WWOX: variants seen among roughly 807,000 people sequenced by gnomAD.
The protein encoded by WWOX is WW domain-containing oxidoreductase.
Under a neutral mutation model 46.2 loss-of-function variants are expected in WWOX, and 69 were observed. The ratio of observed to expected loss-of-function variants is 1.49; its 90% CI spans 1.23 to 1.82. The LOEUF is 1.82. Among genes scored for constraint, WWOX ranks in the 40% most tolerant of loss-of-function variants. WWOX has a pLI of 0.00. For missense variants in WWOX, 919 were observed against 542.6 expected (o/e 1.69, Z -6.89); for synonymous variants, 359 against 202.6 (o/e 1.77, Z -6.56).
intron 5 of WWOX, among the ~76,000 whole-genome samples, chr16:78,177,474 G>T (rs1767012745): frequency 6.6e-6 from 1 of 152,192 alleles, no homozygotes; most frequent in African/African-American, 2.4e-5. Context: ...AAGCAGGATG[G>T]TTGCAGGAGA....
intron 5 of WWOX, among the ~76,000 whole-genome samples, chr16:78,259,060 T>A (rs1453189503): frequency 6.6e-6 from 1 of 152,190 alleles, no homozygotes; most frequent in African/African-American, 2.4e-5. Context: ...ACCACGTTAA[T>A]AAAAGAAGCA....
chr16:78,655,900 C>T (rs1326994773), intron 8 of WWOX, among the ~76,000 whole-genome samples: 2 of 152,136 alleles, frequency 1.3e-5, no homozygotes, highest in African/African-American at 2.4e-5. Flanking sequence ...AGTACCCCAG[C>T]TCTGTATTCG....
chr16:78,491,798 T>C (rs1020808300), intron 8 of WWOX, among the ~76,000 whole-genome samples: 3 of 152,156 alleles, frequency 2.0e-5, no homozygotes, highest in Admixed American at 1.3e-4. Flanking sequence ...TATAAAGTCA[T>C]TTTAAATAAC....
At chr16:79,158,797 C>T (rs1300062275) in intron 8 of WWOX, among the ~76,000 whole-genome samples, 5 of 152,216 alleles carry the variant, frequency 3.3e-5, no homozygotes, top group African/African-American at 9.6e-5. Flanking sequence ...GTGCTTCTCA[C>T]TCTCGTTTAT....
intron 8 of WWOX, among the ~76,000 whole-genome samples, chr16:79,164,623 A>T (rs2050555408): frequency 6.6e-6 from 1 of 152,068 alleles, no homozygotes; most frequent in African/African-American, 2.4e-5. Context: ...GACTCCCCTC[A>T]CTCTAACCTT....
intron 8 of WWOX, among the ~76,000 whole-genome samples, chr16:78,748,114 C>CTGCTCTTTCT (rs2049392938): frequency 6.6e-6 from 1 of 152,084 alleles, no homozygotes; most frequent in Non-Finnish European, 1.5e-5. Flanking sequence ...CAGACCGGAC[C>CTGCTCTTTCT]CTCCACTCCT....
chr16:78,839,122 C>G (rs1041980575), intron 8 of WWOX, among the ~76,000 whole-genome samples: 1 of 152,110 alleles, frequency 6.6e-6, no homozygotes, highest in Non-Finnish European at 1.5e-5. Flanking sequence ...CTACACTTAT[C>G]TCAAAAATAA....
intron 1 of WWOX, among the ~76,000 whole-genome samples, chr16:78,107,353 T>C (rs2032212496): frequency 6.6e-6 from 1 of 152,218 alleles, no homozygotes; most frequent in African/African-American, 2.4e-5. Context: ...AAATGTTAAG[T>C]TTGACGCAAA....
intron 8 of WWOX, among the ~76,000 whole-genome samples, chr16:79,154,055 C>T (rs2050333486): frequency 6.6e-6 from 1 of 152,180 alleles, no homozygotes; most frequent in Non-Finnish European, 1.5e-5. Flanking sequence ...ACTTTGGCTC[C>T]CTTTGGCCTC....
intron 8 of WWOX, among the ~76,000 whole-genome samples, chr16:79,076,173 C>T (rs2048652653): frequency 1.3e-5 from 2 of 152,202 alleles, no homozygotes; most frequent in Admixed American, 6.5e-5. Context: ...AGGCACATCC[C>T]ATCTTCATAT....
chr16:78,140,926 A>C (rs1445440386), intron 4 of WWOX, among the ~76,000 whole-genome samples: 1 of 152,218 alleles, frequency 6.6e-6, no homozygotes, highest in East Asian at 1.9e-4. Context: ...TTCGAAAGAA[A>C]TAGGTATTTC....
chr16:79,129,566 T>C (rs1419846784), intron 8 of WWOX, among the ~76,000 whole-genome samples: 5 of 151,852 alleles, frequency 3.3e-5, no homozygotes, highest in Admixed American at 3.3e-4. Flanking sequence ...CTTAAATAAT[T>C]AGGATTACCT....
chr16:78,898,557 A>T (rs2044754108), intron 8 of WWOX: 1 of 152,066 alleles, frequency 6.6e-6, no homozygotes, highest in Non-Finnish European at 1.5e-5. Flanking sequence ...AAGGATTCAA[A>T]CTTTGTTCTT....
At chr16:78,384,816 C>T (rs1324908018) in intron 5 of WWOX, among the ~76,000 whole-genome samples, 7 of 152,254 alleles carry the variant, frequency 4.6e-5, no homozygotes, top group East Asian at 1.9e-4. Flanking sequence ...GACATAATTT[C>T]ATCACTTTCT....
At chr16:78,700,434 C>G (rs1003110416) in intron 8 of WWOX, among the ~76,000 whole-genome samples, 5 of 151,898 alleles carry the variant, frequency 3.3e-5, no homozygotes, top group African/African-American at 1.2e-4. Flanking sequence ...GAGGCCCTAC[C>G]TCCAAACACC....
chr16:78,829,306 G>T lies in WWOX; in HGVS notation c.1057-382302G>T, dbSNP rs143244786. ...GTAGAAACCTCATCCAAAGGCAGAA[G>T]ACAAGCATCCCAGGTTGAAGACAGT... is the stretch of plus-strand genomic sequence containing the variant. On this transcript the variant is annotated intron_variant, in intron 8 of 8. Coordinates refer to ENST00000566780, the MANE Select transcript of WWOX (RefSeq NM_016373.4). Among the ~76,000 whole-genome samples the T allele has an allele frequency of 9.3e-4, 142 of 152,314 alleles. 1 individual carries two copies. Among genetic ancestry groups the T allele is most frequent in the Non-Finnish European group, 1.8e-3 (123 of 68,026 alleles).
Position 78,691,313 on chromosome 16 carries a change from A to G in WWOX, c.1056+258561A>G, listed in dbSNP as rs552606595. 5.1e-5 allele frequency: 36 copies of G among 700,874 alleles called. No individual in the cohort carries two copies. The African/African-American group carries it at 6.1e-4, about 12-fold the overall frequency. 43.4% of individuals were successfully genotyped at this position (700,874 alleles called of 1,614,324 possible). On this transcript the variant is annotated intron_variant, in intron 8 of 8. Transcript: ENST00000566780. ...CTTTGGTGAGTTCTTACCTTGTAAA[A>G]GATTTACAATTATTTCATTTTCAAC...
intron 8 of WWOX, among the ~76,000 whole-genome samples, chr16:78,741,502 G>A (rs573085008): frequency 5.9e-5 from 9 of 152,124 alleles, no homozygotes; most frequent in Non-Finnish European, 1.3e-4. Context: ...AGAGGTTGAA[G>A]TGACCCAAGA....
chr16:78,328,188 A>G (rs2080672548), intron 5 of WWOX, among the ~76,000 whole-genome samples: 1 of 151,980 alleles, frequency 6.6e-6, no homozygotes. Context: ...GATTTCTTAA[A>G]TTTCACAGTC....
Sources: allele counts gnomAD v4.1 joint callset (sites outside exome capture counted in the v4.1 genomes callset), GRCh38; gene constraint gnomAD v4.1.1; transcripts MANE v1.5; gene names NCBI Gene and HGNC (gene_info 2026-07-23, HGNC 2026-07-21).